GOLPH3: variants seen among roughly 807,000 people sequenced by gnomAD.
The protein encoded by GOLPH3 is coat protein GPP34.
Under a neutral mutation model 28.5 loss-of-function variants are expected in GOLPH3, and 14 were observed. The ratio of observed to expected loss-of-function variants is 0.49; its 90% confidence interval spans 0.32 to 0.77. The LOEUF (loss-of-function observed/expected upper bound fraction) is 0.77. Among genes scored for constraint, GOLPH3 ranks in the 30% least tolerant of loss-of-function variants. The pLI, the probability that GOLPH3 is intolerant of heterozygous loss-of-function variation, is 0.03. For missense variants in GOLPH3, 350 were observed against 393.7 expected (o/e 0.89, Z 0.94); for synonymous variants, 158 against 159.2 (o/e 0.99, Z 0.06).
Position 32,174,164 on chromosome 5 carries a change from A to G in GOLPH3, c.-130T>C. On this transcript the variant is annotated 5_prime_UTR_variant, in exon 1 of 4. Coordinates refer to ENST00000265070, the MANE Select transcript of GOLPH3 (RefSeq NM_022130.4). ...GGACGCCGGGGCGACGTCCGTCGGCAGCAGGGCCGGGGGCAGTCATGAGGA... is the reference window on the plus strand; with the variant it reads ...GGACGCCGGGGCGACGTCCGTCGGCGGCAGGGCCGGGGGCAGTCATGAGGA... The G allele has an allele frequency of 1.9e-6, 1 of 535,414 alleles. No homozygotes were observed. The allele number at this position is 535,414 out of a possible 1,614,324, so 33.2% of individuals were successfully genotyped here.
At chr5:32,172,311 A>G (rs184527978) in intron 1 of GOLPH3, among the ~76,000 whole-genome samples, 12 of 152,002 alleles carry the variant, frequency 7.9e-5, no homozygotes, top group East Asian at 1.9e-4. Flanking sequence ...AAACTCGCCT[A>G]TATCTAGTAA....
chr5:32,144,018 A>AC, intron 1 of GOLPH3, 138 bp from the exon 2 acceptor site: 1 of 513,794 alleles, frequency 1.9e-6, no homozygotes, highest in Admixed American at 4.4e-5. Flanking sequence ...TATACTGAAA[A>AC]AATACAATTA....
intron 1 of GOLPH3, among the ~76,000 whole-genome samples, chr5:32,162,054 T>TA (rs1275525787): frequency 1.3e-5 from 2 of 149,316 alleles, no homozygotes; most frequent in Non-Finnish European, 3.0e-5. Context: ...AAATAAAAAA[T>TA]AAAAAAATAA....
rs1044240529 is a variant in GOLPH3, at chr5:32,135,596, G to C, written c.448C>G (p.Gln150Glu). 6.2e-7 allele frequency: 1 copy of C among 1,611,564 alleles called. No homozygotes were observed. The highest frequency in any genetic ancestry group is 1.7e-5 in the Admixed American group (1 of 60,004). The change falls in exon 3 of 4, where the codon CAG (glutamine) becomes GAG (glutamate). Residue 150 changes from glutamine to glutamate, a missense_variant. Gln to Glu is a conservative substitution (Grantham distance 29). Transcript: ENST00000265070. ...CCACTAAGTAATTCAATCCAGTTCT[G>C]GACCGTTTCTGGAGGCTGAGTTTCC... ...VKETQPPETV[Q>E]NWIELLSGET...
chr5:32,133,612 A>G (rs161540), intron 3 of GOLPH3, among the ~76,000 whole-genome samples: 26,770 of 152,214 alleles, frequency 0.18, 5,271 homozygotes, highest in African/African-American at 0.49. Flanking sequence ...CATTATGTTT[A>G]CTAATATTTA....
intron 1 of GOLPH3, among the ~76,000 whole-genome samples, chr5:32,165,918 C>G (rs1463437103): frequency 1.3e-5 from 2 of 152,192 alleles, no homozygotes; most frequent in African/African-American, 2.4e-5. Context: ...CGCTACAACC[C>G]TGGAAACCTG....
At chr5:32,168,882 C>T (rs961286368) in intron 1 of GOLPH3, among the ~76,000 whole-genome samples, 1 of 152,050 alleles carries the variant, frequency 6.6e-6, no homozygotes, top group African/African-American at 2.4e-5. Flanking sequence ...TCACTTGAGG[C>T]CAGGAGTTCG....
chr5:32,129,813 G>A (rs1482854940), intron 3 of GOLPH3, among the ~76,000 whole-genome samples: 3 of 152,022 alleles, frequency 2.0e-5, no homozygotes, highest in Non-Finnish European at 1.5e-5. Context: ...CTGGAGTAGA[G>A]GCACACATCT....
In GOLPH3 at chr5:32,154,942, G is replaced by A. The variant is rs557271167; in HGVS notation, c.226-11062C>T. On this transcript the variant is annotated intron_variant, in intron 1 of 3. Coordinates refer to ENST00000265070, the MANE Select transcript of GOLPH3 (RefSeq NM_022130.4). ...TACTAAAAATACAAAAATTAGCCAGGCGTGGTGGCATGCGCCTGTAATCCC... is the reference window on the plus strand; with the variant it reads ...TACTAAAAATACAAAAATTAGCCAGACGTGGTGGCATGCGCCTGTAATCCC... Among the ~76,000 whole-genome samples, 16 of 152,126 alleles carry A rather than the reference G, an allele frequency of 1.1e-4. No homozygotes were observed. In the East Asian group the frequency reaches 2.9e-3, roughly 28 times the overall value.
intron 1 of GOLPH3, among the ~76,000 whole-genome samples, chr5:32,155,098 C>CAA (rs55955910): frequency 7.1e-5 from 8 of 112,970 alleles, no homozygotes; most frequent in African/African-American, 7.6e-5. Flanking sequence ...GACTCTGTCT[C>CAA]AAAAAAAAAA....
At chr5:32,153,570 G>A (rs902480778) in intron 1 of GOLPH3, among the ~76,000 whole-genome samples, 5 of 152,094 alleles carry the variant, frequency 3.3e-5, no homozygotes, top group African/African-American at 1.2e-4. Context: ...CCAAACTCAA[G>A]TCAATTAGTA....
chr5:32,134,200 T>G (rs1349707177), intron 3 of GOLPH3, among the ~76,000 whole-genome samples: 1 of 151,888 alleles, frequency 6.6e-6, no homozygotes, highest in East Asian at 1.9e-4. Flanking sequence ...CAAGGTCCTA[T>G]CTCTACAAAA....
At chr5:32,150,843 C>T (rs938888755) in intron 1 of GOLPH3, among the ~76,000 whole-genome samples, 4 of 152,082 alleles carry the variant, frequency 2.6e-5, no homozygotes, top group Non-Finnish European at 5.9e-5. Flanking sequence ...TCAATCTGTA[C>T]ACGATAAAAA....
intron 1 of GOLPH3, among the ~76,000 whole-genome samples, chr5:32,154,326 T>C (rs1746371059): frequency 6.6e-6 from 1 of 152,230 alleles, no homozygotes; most frequent in Non-Finnish European, 1.5e-5. Context: ...CATCAAAATA[T>C]TAAAAATGAA....
At chr5:32,154,619 T>G (rs1336591963) in intron 1 of GOLPH3, among the ~76,000 whole-genome samples, 1 of 152,226 alleles carries the variant, frequency 6.6e-6, no homozygotes, top group Non-Finnish European at 1.5e-5. Context: ...AAATGTTTCC[T>G]GAATTCTACA....
chr5:32,167,721 C>T (rs537009900), intron 1 of GOLPH3, among the ~76,000 whole-genome samples: 9 of 151,946 alleles, frequency 5.9e-5, no homozygotes, highest in South Asian at 4.2e-4. Flanking sequence ...GAGGCCAAGG[C>T]GGGAAGATTG....
intron 1 of GOLPH3, among the ~76,000 whole-genome samples, chr5:32,168,410 A>AT (rs1746760398): frequency 1.3e-5 from 2 of 152,310 alleles, no homozygotes; most frequent in South Asian, 4.1e-4. Context: ...AATCTTAAGT[A>AT]TTTTACCCCA....
At chr5:32,132,303 C>T (rs1745841159) in intron 3 of GOLPH3, among the ~76,000 whole-genome samples, 1 of 152,148 alleles carries the variant, frequency 6.6e-6, no homozygotes, top group Non-Finnish European at 1.5e-5. Context: ...AAATGAGCCC[C>T]TGGGTATCCT....
Position 32,173,983 on chromosome 5 carries a change from C to A in GOLPH3, c.52G>T (p.Ala18Ser), listed in dbSNP as rs1460381870. The A allele has an allele frequency of 2.9e-6, 4 of 1,370,744 alleles. No homozygotes were observed. The East Asian group carries it at 1.2e-4, about 42-fold the overall frequency. 84.9% of individuals were successfully genotyped at this position (1,370,744 alleles called of 1,614,324 possible). A position where few individuals can be genotyped will look rare whatever the true frequency, so the allele number is the denominator to read the frequency against. Reference sequence around the variant, plus strand: ...TCCTTGTCGGCGGCGTTGCGGGAGGCCTCGGTGCGCCGCTGCACCAGGCCG... The same window carrying A: ...TCCTTGTCGGCGGCGTTGCGGGAGGACTCGGTGCGCCGCTGCACCAGGCCG... ...SSGLVQRRTE[A>S]SRNAADKERA... Residue 18 changes from alanine (A) to serine (S), a missense_variant, in exon 1 of 4, where the codon GCC becomes TCC. Coordinates refer to ENST00000265070, the MANE Select transcript of GOLPH3 (RefSeq NM_022130.4).
Sources: gnomAD v4.1 joint callset for allele counts (sites outside exome capture counted in the v4.1 genomes callset) on GRCh38, gnomAD v4.1.1 for gene constraint, MANE v1.5 for transcripts, NCBI Gene and HGNC (gene_info 2026-07-23, HGNC 2026-07-21) for gene names.